Variants in PPARGC1A observed in about 807,000 individuals in gnomAD.
PPARGC1A encodes the protein PPARG coactivator 1 alpha.
Under a neutral mutation model 88.7 loss-of-function variants are expected in PPARGC1A, and 25 were observed. That is an observed-to-expected ratio of 0.28 (90% CI 0.21 to 0.39). The LOEUF is 0.39. PPARGC1A is among the 10% of genes least tolerant of loss of function. The pLI is 1.00. For synonymous variants in PPARGC1A, 363 were observed against 355.6 expected (o/e 1.02, Z -0.24); for missense variants, 880 against 968.7 (o/e 0.91, Z 1.22).
At chr4:24,107,204 C>A in the PPARGC1A span, among the ~76,000 whole-genome samples, 1 of 152,190 alleles carries the variant, frequency 6.6e-6, no homozygotes, top group African/African-American at 2.4e-5. Flanking sequence ...ATGGTTGAAT[C>A]TGTTAATTAA....
At chr4:24,144,697 C>T in the PPARGC1A span, among the ~76,000 whole-genome samples, 11 of 151,830 alleles carry the variant, frequency 7.2e-5, no homozygotes, top group African/African-American at 9.7e-5. Flanking sequence ...GCCCTTCTCC[C>T]TCCACTTTCC....
the PPARGC1A span, among the ~76,000 whole-genome samples, chr4:24,280,479 G>C: frequency 1.3e-5 from 2 of 152,020 alleles, no homozygotes; most frequent in Non-Finnish European, 2.9e-5. Context: ...TTTTCCTTCT[G>C]GAGGGAGGGA....
At chr4:24,178,957 G>C in the PPARGC1A span, among the ~76,000 whole-genome samples, 1 of 151,954 alleles carries the variant, frequency 6.6e-6, no homozygotes, top group East Asian at 1.9e-4. Flanking sequence ...AACCTATTCC[G>C]TATTCTTCAC....
chr4:24,141,343 G>T, the PPARGC1A span, among the ~76,000 whole-genome samples: 53,773 of 152,134 alleles, frequency 0.35, 11,518 homozygotes, highest in African/African-American at 0.59. Flanking sequence ...GCTAGTAGCA[G>T]CTACACAGTG....
chr4:23,812,418 A>G (rs893837202), intron 10 of PPARGC1A, among the ~76,000 whole-genome samples: 3 of 152,204 alleles, frequency 2.0e-5, no homozygotes, highest in Non-Finnish European at 2.9e-5. Flanking sequence ...AAACAGAAAG[A>G]AAAACTTATC....
At chr4:24,109,146 GAA>G in the PPARGC1A span, among the ~76,000 whole-genome samples, 1 of 151,292 alleles carries the variant, frequency 6.6e-6, no homozygotes, top group Non-Finnish European at 1.5e-5. Context: ...TTTTCATTTG[GAA>G]AATTGAAACT....
chr4:24,182,776 A>G, the PPARGC1A span, among the ~76,000 whole-genome samples: 4 of 152,178 alleles, frequency 2.6e-5, no homozygotes, highest in Non-Finnish European at 5.9e-5. Context: ...AATAAGGTTA[A>G]TAAGACTGGA....
the PPARGC1A span, among the ~76,000 whole-genome samples, chr4:24,393,171 C>T: frequency 6.6e-6 from 1 of 152,114 alleles, no homozygotes; most frequent in East Asian, 1.9e-4. Flanking sequence ...GCAGGTGCTA[C>T]AAAGGCCTCA....
chr4:23,953,783 C>G, the PPARGC1A span, among the ~76,000 whole-genome samples: 1 of 151,988 alleles, frequency 6.6e-6, no homozygotes, highest in Non-Finnish European at 1.5e-5. Flanking sequence ...ACAACTTCAC[C>G]TTCCAAAGTT....
the PPARGC1A span, among the ~76,000 whole-genome samples, chr4:24,143,090 A>T: frequency 6.6e-6 from 1 of 152,240 alleles, no homozygotes; most frequent in Non-Finnish European, 1.5e-5. Flanking sequence ...ACATGCATAC[A>T]TGTATCTTTC....
the PPARGC1A span, among the ~76,000 whole-genome samples, chr4:24,182,242 C>T: frequency 6.6e-6 from 1 of 152,076 alleles, no homozygotes; most frequent in African/African-American, 2.4e-5. Context: ...TGAGAACATG[C>T]AGTGTTTGGT....
At chr4:23,848,759 T>C (rs1222840241) in intron 2 of PPARGC1A, among the ~76,000 whole-genome samples, 1 of 152,162 alleles carries the variant, frequency 6.6e-6, no homozygotes, top group Admixed American at 6.5e-5. Flanking sequence ...ACTCAAAGTC[T>C]TATGGGATTT....
chr4:24,103,607 A>AAAG, the PPARGC1A span, among the ~76,000 whole-genome samples: 2 of 151,720 alleles, frequency 1.3e-5, no homozygotes, highest in African/African-American at 4.8e-5. Context: ...AAAAAAAAAA[A>AAAG]AAAAGCCTCG....
chr4:23,819,594 C>T (rs1722611696), intron 7 of PPARGC1A, among the ~76,000 whole-genome samples: 1 of 152,042 alleles, frequency 6.6e-6, no homozygotes, highest in Non-Finnish European at 1.5e-5. Flanking sequence ...AGAGAAAATT[C>T]CTTTGCTATC....
chr4:24,227,597 TA>T, the PPARGC1A span, among the ~76,000 whole-genome samples: 4 of 152,170 alleles, frequency 2.6e-5, no homozygotes, highest in African/African-American at 7.2e-5. Context: ...GGTACAGACA[TA>T]AAAACAGAAA....
At chr4:24,057,611 T>G in the PPARGC1A span, among the ~76,000 whole-genome samples, 1 of 152,152 alleles carries the variant, frequency 6.6e-6, no homozygotes, top group East Asian at 1.9e-4. Context: ...AGGGAAAGCC[T>G]TGGTAGTGGT....
At chr4:23,850,917 C>A (rs1729170834) in intron 2 of PPARGC1A, among the ~76,000 whole-genome samples, 1 of 152,088 alleles carries the variant, frequency 6.6e-6, no homozygotes, top group African/African-American at 2.4e-5. Context: ...AACTGTTTTA[C>A]CTTTATAGGT....
At chr4:24,399,521 G>C in the PPARGC1A span, among the ~76,000 whole-genome samples, 2 of 152,018 alleles carry the variant, frequency 1.3e-5, no homozygotes, top group South Asian at 2.1e-4. Flanking sequence ...CACTTCACTG[G>C]GACTGAAGTT....
chr4:24,269,706 T>C, the PPARGC1A span, among the ~76,000 whole-genome samples: 1 of 152,088 alleles, frequency 6.6e-6, no homozygotes, highest in Non-Finnish European at 1.5e-5. Flanking sequence ...CAAGGCTTTG[T>C]TGTAATAAGG....
Sources: gnomAD v4.1 joint callset for allele counts (sites outside exome capture counted in the v4.1 genomes callset) on GRCh38, gnomAD v4.1.1 for gene constraint, MANE v1.5 for transcripts, NCBI Gene and HGNC (gene_info 2026-07-23, HGNC 2026-07-21) for gene names.